Variants in ANKRD11 observed in about 807,000 individuals in gnomAD.
The protein encoded by ANKRD11 is ankyrin repeat domain-containing protein 11.
ANKRD11 carries 17 observed loss-of-function variants against 195.7 expected under a neutral mutation model. The ratio of observed to expected loss-of-function variants is 0.09; its 90% CI spans 0.06 to 0.13. The LOEUF (loss-of-function observed/expected upper bound fraction) is 0.13. Ranked by LOEUF, ANKRD11 falls within the 10% of genes least tolerant of loss-of-function variation. The probability of loss-of-function intolerance (pLI) is 1.00; values close to 1 mark genes in which losing one functional copy is unlikely to be tolerated. For missense variants in ANKRD11, 3,735 were observed against 3,566.1 expected (o/e 1.05, Z -1.21); for synonymous variants, 1,953 against 1,528.1 (o/e 1.28, Z -6.49).
At chr16:89,488,448 C>T (rs545868310) in intron 1 of ANKRD11, among the ~76,000 whole-genome samples, 3 of 151,564 alleles carry the variant, frequency 2.0e-5, no homozygotes, top group South Asian at 2.1e-4. Context: ...CCGCCCCCCC[C>T]CCTTTTTTTC....
chr16:89,399,634 T>TG (rs2041609930), intron 2 of ANKRD11, among the ~76,000 whole-genome samples: 1 of 152,174 alleles, frequency 6.6e-6, no homozygotes, highest in Non-Finnish European at 1.5e-5. Flanking sequence ...CAGCACCCGG[T>TG]GGACCCTGAG....
At chr16:89,317,732 G>C (rs1018516790) in intron 2 of ANKRD11, among the ~76,000 whole-genome samples, 2 of 152,162 alleles carry the variant, frequency 1.3e-5, no homozygotes, top group Non-Finnish European at 2.9e-5. Context: ...GAAATCCGAG[G>C]ACACATACTG....
At position 89,284,337 on chromosome 16, in the gene ANKRD11, C is replaced by T. The variant is rs781703606; in HGVS notation, c.2205G>A (p.Glu735=). Residue 735 remains glutamate (E), a synonymous_variant, in exon 9 of 13, where the codon GAG becomes GAA. Transcript: ENST00000301030. ...TTTCTGCTTTATTCGAACGGTCTTT[C>T]TCTTCTCGGAAAGACCTGCTGATGT... ...NKDISRSFRE[E]KDRSNKAEKE... 5.0e-6 allele frequency: 8 copies of T among 1,613,906 alleles called. No individual in the cohort carries two copies. Among genetic ancestry groups the T allele is most frequent in the Non-Finnish European group, 6.8e-6 (8 of 1,180,012 alleles).
intron 2 of ANKRD11, among the ~76,000 whole-genome samples, chr16:89,394,550 C>T (rs2041340416): frequency 6.6e-6 from 1 of 152,122 alleles, no homozygotes; most frequent in Non-Finnish European, 1.5e-5. Flanking sequence ...ATCGCTTGAA[C>T]CCAGGAGGCG....
At chr16:89,444,186 A>G (rs1298119181) in intron 1 of ANKRD11, among the ~76,000 whole-genome samples, 1 of 152,056 alleles carries the variant, frequency 6.6e-6, no homozygotes, top group Non-Finnish European at 1.5e-5. Flanking sequence ...AGATACTGAT[A>G]TGCAAGTTTT....
chr16:89,428,326 C>A (rs1019023152), intron 1 of ANKRD11, among the ~76,000 whole-genome samples: 1 of 152,048 alleles, frequency 6.6e-6, no homozygotes, highest in African/African-American at 2.4e-5. Flanking sequence ...GAGATCGAGA[C>A]CATCCTGGCC....
At chr16:89,351,659 G>A (rs1330633384) in intron 2 of ANKRD11, among the ~76,000 whole-genome samples, 1 of 152,186 alleles carries the variant, frequency 6.6e-6, no homozygotes, top group Non-Finnish European at 1.5e-5. Flanking sequence ...CCTGGGCGCA[G>A]GTTCGTGTCA....
chr16:89,441,550 G>C (rs1243409124), intron 1 of ANKRD11, among the ~76,000 whole-genome samples: 1 of 151,908 alleles, frequency 6.6e-6, no homozygotes, highest in East Asian at 1.9e-4. Context: ...GGCGGATCAC[G>C]AGGTCAGCAG....
intron 1 of ANKRD11, among the ~76,000 whole-genome samples, chr16:89,428,283 T>C (rs1381795602): frequency 6.6e-6 from 1 of 152,072 alleles, no homozygotes; most frequent in African/African-American, 2.4e-5. Context: ...CCCAGCACTT[T>C]GGGAGGCCAA....
In ANKRD11 at chr16:89,417,618, T is replaced by C. The variant is rs2042360222; in HGVS notation, c.-60+666A>G. Among the ~76,000 whole-genome samples the C allele has an allele frequency of 2.0e-5, 3 of 152,082 alleles. No homozygotes were observed. The South Asian group carries it at 6.2e-4, about 32-fold the overall frequency. On this transcript the variant is annotated intron_variant, in intron 2 of 12. Coordinates refer to ENST00000301030, the MANE Select transcript of ANKRD11 (RefSeq NM_013275.6). ...TACCTGCCAACCATACACACTGGTC[T>C]CCAGCTCCTAGGAAAAGCCAGAATA...
chr16:89,418,162 T>C (rs1197478266), intron 2 of ANKRD11, 122 bp downstream of exon 2: 5 of 410,030 alleles, frequency 1.2e-5, no homozygotes, highest in Admixed American at 7.5e-5. Context: ...ATTCACAACA[T>C]TTCGACAAAA....
intron 2 of ANKRD11, among the ~76,000 whole-genome samples, chr16:89,317,498 C>T (rs952936460): frequency 6.6e-6 from 1 of 152,178 alleles, no homozygotes; most frequent in African/African-American, 2.4e-5. Context: ...CCCCAGCCCT[C>T]AGGTCTGGCA....
chr16:89,489,223 A>ACACACACGCG (rs958282014), intron 1 of ANKRD11: 1 of 104,240 alleles, frequency 9.6e-6, no homozygotes, highest in South Asian at 2.8e-4. Context: ...ACACACACAC[A>ACACACACGCG]CACGCGCGCG....
intron 2 of ANKRD11, among the ~76,000 whole-genome samples, chr16:89,362,059 T>C (rs1329454317): frequency 6.6e-6 from 1 of 152,236 alleles, no homozygotes; most frequent in East Asian, 1.9e-4. Context: ...CAGATACGTT[T>C]CATTAAATGC....
At chr16:89,471,153 G>A (rs1048870863) in intron 1 of ANKRD11, among the ~76,000 whole-genome samples, 1 of 151,690 alleles carries the variant, frequency 6.6e-6, no homozygotes, top group African/African-American at 2.4e-5. Context: ...AGAAGCTGGA[G>A]ATCAGCCTGA....
Position 89,279,005 on chromosome 16 carries a change from C to G in ANKRD11, c.7470+67G>C. On this transcript the variant is annotated intron_variant, in intron 9 of 12. Coordinates refer to ENST00000301030, the MANE Select transcript of ANKRD11 (RefSeq NM_013275.6). This position sits in a 1 kb window ranked among gnomAD's most constrained non-coding sequence, Gnocchi z 5.6. ...TGGGACAAGACGGGCTGGAGGAAGC[C>G]GTGACTAGGGGCCCCAGACGCATCC... 1 of 1,594,652 alleles carries G rather than the reference C, an allele frequency of 6.3e-7. No homozygotes were observed. The highest frequency in any genetic ancestry group is 1.1e-5 in the South Asian group (1 of 88,476).
At chr16:89,271,188 G>A (rs2033119533) in intron 11 of ANKRD11, 2 of 493,590 alleles carry the variant, frequency 4.1e-6, no homozygotes, top group African/African-American at 2.0e-5. Flanking sequence ...CCCCAGCCCT[G>A]CCCCCAGGGG....
chr16:89,427,412 C>G (rs1229877542), intron 1 of ANKRD11, among the ~76,000 whole-genome samples: 1 of 152,156 alleles, frequency 6.6e-6, no homozygotes, highest in East Asian at 1.9e-4. Context: ...ATCCAAAAAT[C>G]TAGATGGAAT....
intron 2 of ANKRD11, among the ~76,000 whole-genome samples, chr16:89,382,902 A>G (rs1199741060): frequency 6.6e-6 from 1 of 151,684 alleles, no homozygotes; most frequent in Non-Finnish European, 1.5e-5. Context: ...GTGCAGCAGC[A>G]TGATCTCGGC....
Sources: gnomAD v4.1 joint callset for allele counts (sites outside exome capture counted in the v4.1 genomes callset) on GRCh38, gnomAD v4.1.1 for gene constraint, Gnocchi (gnomAD v3.1) non-coding constraint, MANE v1.5 for transcripts, NCBI Gene and HGNC (gene_info 2026-07-23, HGNC 2026-07-21) for gene names.